Variants in CLRN1 observed in about 807,000 individuals in gnomAD.
The protein encoded by CLRN1 is clarin-1.
CLRN1 carries 15 observed loss-of-function variants against 18.7 expected under a neutral mutation model. That is an observed-to-expected ratio of 0.80 (90% CI 0.54 to 1.23). The LOEUF (loss-of-function observed/expected upper bound fraction) is 1.23. CLRN1 is among the 50% of genes most tolerant of loss of function. The pLI, the probability that CLRN1 is intolerant of heterozygous loss-of-function variation, is 0.00. For synonymous variants in CLRN1, 104 were observed against 102.9 expected (o/e 1.01, Z -0.07); for missense variants, 311 against 277.5 (o/e 1.12, Z -0.86).
intron 1 of CLRN1, among the ~76,000 whole-genome samples, chr3:150,970,469 T>C (rs1217441647): frequency 6.6e-6 from 1 of 151,408 alleles, no homozygotes; most frequent in Non-Finnish European, 1.5e-5. Flanking sequence ...ATTTTGGTTT[T>C]CCCAACTCTG....
chr3:150,950,851 G>A (rs4680081), intron 1 of CLRN1, among the ~76,000 whole-genome samples: 90,582 of 152,006 alleles, frequency 0.6, 28,191 homozygotes, highest in Non-Finnish European at 0.69. Context: ...ACGAATGTTC[G>A]TTGCAGCACT....
intron 1 of CLRN1, among the ~76,000 whole-genome samples, chr3:150,948,207 G>A (rs1576636191): frequency 2.0e-5 from 3 of 151,822 alleles, no homozygotes; most frequent in Admixed American, 1.3e-4. Flanking sequence ...GAAATGGGCC[G>A]GGCGCGGTGG....
intron 1 of CLRN1, among the ~76,000 whole-genome samples, chr3:150,969,638 A>G (rs1053875660): frequency 1.3e-5 from 2 of 152,080 alleles, no homozygotes; most frequent in Non-Finnish European, 2.9e-5. Context: ...CTTATAGTAT[A>G]TTTTTATTGG....
upstream of CLRN1, chr3:150,972,843 T>C: frequency 1.7e-6 from 2 of 1,203,496 alleles, no homozygotes; most frequent in Non-Finnish European, 2.4e-6. Flanking sequence ...AACTTCACCA[T>C]CGACGGTTCT....
At chr3:150,942,536 T>C (rs2107952812) in intron 1 of CLRN1, 1 of 440,766 alleles carries the variant, frequency 2.3e-6, no homozygotes, top group South Asian at 1.6e-5. Context: ...GTGCTTAAGT[T>C]ATTCACTGAG....
intron 1 of CLRN1, among the ~76,000 whole-genome samples, chr3:150,957,586 G>A (rs188353970): frequency 1.3e-5 from 2 of 152,146 alleles, no homozygotes; most frequent in Admixed American, 6.5e-5. Context: ...CTCTCCCCTC[G>A]ATCTCCTTGA....
At chr3:150,964,795 C>T (rs1309675579) in intron 1 of CLRN1, among the ~76,000 whole-genome samples, 1 of 152,108 alleles carries the variant, frequency 6.6e-6, no homozygotes, top group African/African-American at 2.4e-5. Flanking sequence ...CAAACTGACG[C>T]AGGAACAGAA....
chr3:150,968,023 C>T (rs983236557), intron 1 of CLRN1, among the ~76,000 whole-genome samples: 5 of 152,280 alleles, frequency 3.3e-5, no homozygotes, highest in African/African-American at 1.2e-4. Context: ...AATTAAAATG[C>T]TTTTCAAAGT....
At chr3:150,961,893 G>T (rs1715057111) in intron 1 of CLRN1, among the ~76,000 whole-genome samples, 1 of 152,066 alleles carries the variant, frequency 6.6e-6, no homozygotes, top group Admixed American at 6.6e-5. Flanking sequence ...GCTTCCAAAG[G>T]CTATGTGGTC....
chr3:150,945,235 C>T (rs1315174375), intron 1 of CLRN1, among the ~76,000 whole-genome samples: 1 of 152,214 alleles, frequency 6.6e-6, no homozygotes, highest in Non-Finnish European at 1.5e-5. Context: ...GAGAGAAGCC[C>T]TGGGGCTCCC....
chr3:150,951,878 C>T (rs1281067609), intron 1 of CLRN1, among the ~76,000 whole-genome samples: 2 of 152,204 alleles, frequency 1.3e-5, no homozygotes, highest in East Asian at 1.9e-4. Flanking sequence ...AAGGGGGGAC[C>T]GTGCTAAACC....
In CLRN1 at chr3:150,944,027, C is replaced by T. The variant is rs1272814904; in HGVS notation, c.254-2266G>A. The T allele has an allele frequency of 6.2e-6, 6 of 962,378 alleles. No individual in the cohort carries two copies. In the East Asian group the frequency reaches 1.3e-4, roughly 21 times the overall value. The allele number at this position is 962,378 out of a possible 1,614,324, so 59.6% of individuals were successfully genotyped here. ...AACAAGATAGTTTCAGATAGTGATA[C>T]ATATGATGGAGAAATAAAATAGGGT... On this transcript the variant is annotated intron_variant, in intron 1 of 2. Coordinates refer to ENST00000327047, the MANE Select transcript of CLRN1 (RefSeq NM_174878.3).
Position 150,928,018 on chromosome 3 carries a change from A to G in CLRN1, c.617T>C (p.Ile206Thr), listed in dbSNP as rs1311220063. The change falls in exon 3 of 3, where the codon ATA becomes ACA. Residue 206 changes from isoleucine (I) to threonine (T), a missense_variant. Ile to Thr is a moderately conservative substitution (Grantham distance 89). Coordinates refer to ENST00000327047, the MANE Select transcript of CLRN1 (RefSeq NM_174878.3). ...FFVHFLNGLLIRLAGFQFPFA... is the reference protein window; with the variant it reads ...FFVHFLNGLLTRLAGFQFPFA... ...AGGGAACTGAAATCCAGCAAGTCGT[A>G]TTAGGAGCCCATTCAGAAAATGAAC... The G allele has an allele frequency of 1.2e-6, 2 of 1,614,222 alleles. No individual in the cohort carries two copies. The highest frequency in any genetic ancestry group is 1.7e-6 in the Non-Finnish European group (2 of 1,180,036).
intron 2 of CLRN1, among the ~76,000 whole-genome samples, chr3:150,941,189 A>ATATATG (rs1451733901): frequency 7.4e-6 from 1 of 135,170 alleles, no homozygotes; most frequent in Non-Finnish European, 1.6e-5. Context: ...ATATATATAT[A>ATATATG]TATATAGCCC....
chr3:150,928,042 AC>A lies in CLRN1; in HGVS notation c.592del (p.Val198PhefsTer4). 1 of 1,614,210 alleles carries A rather than the reference AC, an allele frequency of 6.2e-7. No homozygotes were observed. The highest frequency in any genetic ancestry group is 8.5e-7 in the Non-Finnish European group (1 of 1,180,034). ...SFWVIFFCFF[V>X]HFLNGLLIRL... ...TATTAGGAGCCCATTCAGAAAATGA[AC>A]AAAAAAGCAAAAGAAAATGACCCAG... On this transcript the variant is annotated frameshift_variant, in exon 3 of 3. Transcript: ENST00000327047. LOFTEE classifies it high-confidence loss of function.
At chr3:150,968,230 G>A (rs991470731) in intron 1 of CLRN1, among the ~76,000 whole-genome samples, 5 of 152,034 alleles carry the variant, frequency 3.3e-5, no homozygotes, top group African/African-American at 4.8e-5. Flanking sequence ...TCAAATTACC[G>A]AAACAGAAAC....
At chr3:150,946,704 C>CT (rs34471891) in intron 1 of CLRN1, among the ~76,000 whole-genome samples, 2,189 of 110,704 alleles carry the variant, frequency 0.02, 29 homozygotes, top group Middle Eastern at 0.041. Flanking sequence ...CAGACCATTT[C>CT]TTTTTTTTTT....
chr3:150,971,119 T>G (rs549944890), intron 1 of CLRN1, among the ~76,000 whole-genome samples: 1 of 152,324 alleles, frequency 6.6e-6, no homozygotes, highest in East Asian at 1.9e-4. Flanking sequence ...TGACTCACGG[T>G]TAAATCATCT....
chr3:150,960,564 A>G (rs949915085), intron 1 of CLRN1, among the ~76,000 whole-genome samples: 1 of 152,126 alleles, frequency 6.6e-6, no homozygotes, highest in Non-Finnish European at 1.5e-5. Flanking sequence ...TTAATTACTT[A>G]TTTGAAACCA....
Sources: allele counts gnomAD v4.1 joint callset (sites outside exome capture counted in the v4.1 genomes callset), GRCh38; gene constraint gnomAD v4.1.1; transcripts MANE v1.5; gene names NCBI Gene and HGNC (gene_info 2026-07-23, HGNC 2026-07-21).